Variants in UNC5A observed in about 807,000 individuals in gnomAD.
UNC5A encodes netrin receptor UNC5A.
UNC5A carries 20 observed loss-of-function variants against 87.4 expected under a neutral mutation model. The observed-to-expected ratio is 0.23, with a 90% CI of 0.16 to 0.33. The LOEUF (loss-of-function observed/expected upper bound fraction) is 0.33, where lower values mean the gene tolerates loss of function less well. Among genes scored for constraint, UNC5A ranks in the 10% least tolerant of loss-of-function variants. The probability of loss-of-function intolerance (pLI) is 1.00; values close to 1 mark genes in which losing one functional copy is unlikely to be tolerated. For synonymous variants in UNC5A, 438 were observed against 482.3 expected (o/e 0.91, Z 1.20); for missense variants, 844 against 1,133.4 (o/e 0.74, Z 3.67).
intron 1 of UNC5A, among the ~76,000 whole-genome samples, chr5:176,835,070 G>A (rs1319690301): frequency 6.6e-6 from 1 of 152,244 alleles, no homozygotes; most frequent in Non-Finnish European, 1.5e-5. Flanking sequence ...TGGCACTGTG[G>A]GCAACCCCTG....
At chr5:176,811,435 C>T (rs1157294210) in intron 1 of UNC5A, among the ~76,000 whole-genome samples, 1 of 152,232 alleles carries the variant, frequency 6.6e-6, no homozygotes, top group East Asian at 1.9e-4. Flanking sequence ...TCCCGGTGGC[C>T]GGGGCTGTGG....
chr5:176,847,366 T>C (rs1757435766), intron 1 of UNC5A, among the ~76,000 whole-genome samples: 1 of 152,154 alleles, frequency 6.6e-6, no homozygotes, highest in African/African-American at 2.4e-5. Flanking sequence ...CCGCCCTCCC[T>C]CCAGGGCCTC....
At chr5:176,864,905 C>A (rs576732121) in intron 2 of UNC5A, 2 of 448,758 alleles carry the variant, frequency 4.5e-6, no homozygotes, top group African/African-American at 2.0e-5. Context: ...CCGGCCCCAG[C>A]GGAGGTGCCA....
intron 1 of UNC5A, among the ~76,000 whole-genome samples, chr5:176,831,359 G>A (rs894819158): frequency 1.3e-5 from 2 of 152,110 alleles, no homozygotes; most frequent in African/African-American, 4.8e-5. Context: ...TGTCCCTGGG[G>A]CCAGGGCTCC....
At chr5:176,854,842 T>A (rs2113640762) in intron 1 of UNC5A, among the ~76,000 whole-genome samples, 1 of 152,322 alleles carries the variant, frequency 6.6e-6, no homozygotes, top group East Asian at 1.9e-4. Context: ...CATGCATAAA[T>A]GGTGACAATA....
At chr5:176,845,477 G>A (rs1364015498) in intron 1 of UNC5A, among the ~76,000 whole-genome samples, 3 of 152,242 alleles carry the variant, frequency 2.0e-5, no homozygotes, top group African/African-American at 7.2e-5. Flanking sequence ...GAGGCAGGGC[G>A]TTATGCACTG....
rs148124312 is a variant in UNC5A at position 176,865,606 on chromosome 5, C to T, written c.293-2524C>T. Reference sequence around the variant, plus strand: ...CATCGATTTCTCAACCCAAAGCCATCGAGTGCTTTGAGGTGAAGAAAAAGG... The same window carrying T: ...CATCGATTTCTCAACCCAAAGCCATTGAGTGCTTTGAGGTGAAGAAAAAGG... On this transcript the variant is annotated intron_variant, in intron 2 of 14. Transcript: ENST00000329542. This position sits in a 1 kb window ranked among gnomAD's most constrained non-coding sequence, Gnocchi z 5.3. The T allele has an allele frequency of 5.1e-3, 2,311 of 456,918 alleles. 43 individuals carry two copies. Among genetic ancestry groups the T allele is most frequent in the African/African-American group, 0.036 (1,809 of 50,224 alleles). The allele number at this position is 456,918 out of a possible 1,614,324, so 28.3% of individuals were successfully genotyped here. A position where few individuals can be genotyped will look rare whatever the true frequency, so the allele number is the denominator to read the frequency against.
chr5:176,816,537 G>A (rs1756592591), intron 1 of UNC5A, among the ~76,000 whole-genome samples: 1 of 152,266 alleles, frequency 6.6e-6, no homozygotes, highest in Non-Finnish European at 1.5e-5. Flanking sequence ...GGCAAGCTCT[G>A]TGGCTGGGTT....
chr5:176,846,461 G>T (rs1041555967), intron 1 of UNC5A, among the ~76,000 whole-genome samples: 24 of 152,242 alleles, frequency 1.6e-4, no homozygotes, highest in Middle Eastern at 3.4e-3. Flanking sequence ...TGTCCATGAT[G>T]GGGGACAGGT....
chr5:176,829,575 T>C (rs1247962684), intron 1 of UNC5A, among the ~76,000 whole-genome samples: 1 of 140,876 alleles, frequency 7.1e-6, no homozygotes, highest in African/African-American at 2.6e-5. Flanking sequence ...GATGGATGGA[T>C]GGATGGATAA....
At chr5:176,852,326 C>A (rs1018249445) in intron 1 of UNC5A, among the ~76,000 whole-genome samples, 1 of 151,296 alleles carries the variant, frequency 6.6e-6, no homozygotes, top group Non-Finnish European at 1.5e-5. Flanking sequence ...ACACACATAT[C>A]ACACACAGAA....
At chr5:176,814,191 C>T (rs1280653198) in intron 1 of UNC5A, among the ~76,000 whole-genome samples, 1 of 152,318 alleles carries the variant, frequency 6.6e-6, no homozygotes, top group East Asian at 1.9e-4. Flanking sequence ...AAGGCATCCC[C>T]TGGCATCCAG....
intron 1 of UNC5A, among the ~76,000 whole-genome samples, chr5:176,850,693 G>A (rs1757520875): frequency 6.6e-6 from 1 of 152,176 alleles, no homozygotes; most frequent in Non-Finnish European, 1.5e-5. Flanking sequence ...TGTCGCCCTG[G>A]GCTGGTGGGA....
intron 1 of UNC5A, among the ~76,000 whole-genome samples, chr5:176,817,197 C>G (rs536313009): frequency 6.6e-6 from 1 of 152,042 alleles, no homozygotes; most frequent in East Asian, 1.9e-4. Flanking sequence ...CGGGCCTCTC[C>G]CACACTGGGA....
intron 1 of UNC5A, among the ~76,000 whole-genome samples, chr5:176,822,063 A>T (rs1163870667): frequency 6.6e-6 from 1 of 152,232 alleles, no homozygotes; most frequent in Non-Finnish European, 1.5e-5. Flanking sequence ...TGGGCAGGTT[A>T]TTTAAGCTCT....
intron 2 of UNC5A, among the ~76,000 whole-genome samples, chr5:176,867,356 G>A (rs1368684002): frequency 2.6e-5 from 4 of 152,150 alleles, no homozygotes; most frequent in Admixed American, 6.5e-5. Flanking sequence ...AGCCTGGAGC[G>A]GAGTCCCCCC....
At chr5:176,821,714 A>G (rs1219077652) in intron 1 of UNC5A, among the ~76,000 whole-genome samples, 1 of 152,258 alleles carries the variant, frequency 6.6e-6, no homozygotes, top group African/African-American at 2.4e-5. Flanking sequence ...GTCCTGAGCC[A>G]GGACGAGCTG....
chr5:176,811,849 G>A (rs930487467), intron 1 of UNC5A, among the ~76,000 whole-genome samples: 4 of 152,124 alleles, frequency 2.6e-5, no homozygotes, highest in Non-Finnish European at 1.5e-5. Context: ...AGCCTGGCCA[G>A]GCCGCTGCTT....
chr5:176,841,525 G>A lies in UNC5A; in HGVS notation c.71-21099G>A, dbSNP rs1467238406. Among the ~76,000 whole-genome samples the A allele has an allele frequency of 6.6e-6, 1 of 152,254 alleles. No homozygotes were observed. The highest frequency in any genetic ancestry group is 1.5e-5 in the Non-Finnish European group (1 of 68,040). On this transcript the variant is annotated intron_variant, in intron 1 of 14. Transcript: ENST00000329542. This position sits in a 1 kb window ranked among gnomAD's most constrained non-coding sequence, Gnocchi z 4.1. ...GTCTCTGAGCCTCAGTTTGTCACCT[G>A]TAAAATGAGAATCTTGGTAGCACCT...
Sources: allele counts gnomAD v4.1 joint callset (sites outside exome capture counted in the v4.1 genomes callset), GRCh38; gene constraint gnomAD v4.1.1; non-coding constraint Gnocchi (gnomAD v3.1); transcripts MANE v1.5; gene names NCBI Gene and HGNC (gene_info 2026-07-23, HGNC 2026-07-21).